Variants in KRTAP5-6 observed in about 807,000 individuals in gnomAD.
KRTAP5-6 encodes the protein keratin-associated protein 5-6.
For missense variants in KRTAP5-6, 175 were observed against 157.6 expected (o/e 1.11, Z -0.59); for synonymous variants, 57 against 61.7 (o/e 0.92, Z 0.36).
chr11:1,697,439 G>T lies in KRTAP5-6; in HGVS notation c.194G>T (p.Gly65Val), dbSNP rs1438486841. 4.3e-6 allele frequency: 7 copies of T among 1,612,714 alleles called. No individual in the cohort carries two copies. In the East Asian group the frequency reaches 8.9e-5, roughly 21 times the overall value. Residue 65 changes from glycine to valine, a missense_variant, in exon 1 of 1, where the codon GGC becomes GTC. Gly to Val is a moderately radical substitution (Grantham distance 109). Transcript: ENST00000382160. ...GSKGCCGSCG[G>V]SKGGCGSCGG... ...AAGGGGTGCTGTGGCTCTTGTGGGG[G>T]CTCCAAAGGGGGCTGTGGCTCTTGT...
In KRTAP5-6 at chr11:1,697,338, C is replaced by T. The variant is rs749133807; in HGVS notation, c.93C>T (p.Pro31=). The T allele has an allele frequency of 9.9e-6, 16 of 1,613,290 alleles. No homozygotes were observed. The Admixed American group carries it at 2.7e-4, about 27-fold the overall frequency. The change falls in exon 1 of 1, where the codon CCC becomes CCT. Residue 31 remains proline (P), a synonymous_variant. Transcript: ENST00000382160. ...GCTGTGGGTCCAGCTGCTGTGTGCCCATCTGCTGCTGCAAGCCCGTGTGCT... is the reference window on the plus strand; with the variant it reads ...GCTGTGGGTCCAGCTGCTGTGTGCCTATCTGCTGCTGCAAGCCCGTGTGCT... ...CGGCGSSCCV[P]ICCCKPVCCC...
chr11:1,697,737 G>A lies in KRTAP5-6; in HGVS notation c.*102G>A, dbSNP rs188524664. 1 of 1,529,616 alleles carries A rather than the reference G, an allele frequency of 6.5e-7. No homozygotes were observed. Among genetic ancestry groups the A allele is most frequent in the Non-Finnish European group, 8.9e-7 (1 of 1,120,174 alleles). 94.8% of individuals were successfully genotyped at this position (1,529,616 alleles called of 1,614,324 possible). A position where few individuals can be genotyped will look rare whatever the true frequency, so the allele number is the denominator to read the frequency against. On this transcript the variant is annotated 3_prime_UTR_variant, in exon 1 of 1. Coordinates refer to ENST00000382160, the MANE Select transcript of KRTAP5-6 (RefSeq NM_001012416.1). Reference sequence around the variant, plus strand: ...TGGCTGTCCCACAGCTCCAGGAGTTGTGTCCCCTGAATTTTGCAGAAGGTG... The same window carrying A: ...TGGCTGTCCCACAGCTCCAGGAGTTATGTCCCCTGAATTTTGCAGAAGGTG...
rs745319957 is a variant in KRTAP5-6 at position 1,697,523 on chromosome 11, C to G, written c.278C>G (p.Pro93Arg). The G allele has an allele frequency of 6.2e-6, 10 of 1,613,812 alleles. No homozygotes were observed. The African/African-American group carries it at 1.2e-4, about 19-fold the overall frequency. Residue 93 changes from proline to arginine, a missense_variant, in exon 1 of 1, where the codon CCC (proline) becomes CGC (arginine). Physicochemically the swap from Pro to Arg is moderately radical, Grantham distance 103 (BLOSUM62 -2). Transcript: ENST00000382160. ...CGCSQCSCCK[P>R]CYCSSGCGSS... ...TGCTCCCAGTGCAGTTGCTGCAAGC[C>G]CTGCTACTGTTCCTCAGGCTGTGGG...
chr11:1,697,626 C>T lies in KRTAP5-6; in HGVS notation c.381C>T (p.Cys127=). 6.2e-7 allele frequency: 1 copy of T among 1,614,150 alleles called. No individual in the cohort carries two copies. Among genetic ancestry groups the T allele is most frequent in the Non-Finnish European group, 8.5e-7 (1 of 1,180,006 alleles). ...GCTGTGTCCCCATTTGCTGCCAGTG[C>T]AAAATCTGAGGCTCTGACTTTGGAC... ...ASCCVPICCQ[C]KI Residue 127 remains cysteine (C), a synonymous_variant, in exon 1 of 1, where the codon TGC becomes TGT. Transcript: ENST00000382160.
In KRTAP5-6 at chr11:1,697,661, G is replaced by C. The variant is rs201960565; in HGVS notation, c.*26G>C. The C allele has an allele frequency of 8.7e-6, 14 of 1,613,926 alleles. No homozygotes were observed. The East Asian group carries it at 3.1e-4, about 36-fold the overall frequency. ...GGCTCTGACTTTGGACCTCAGGTGA[G>C]TCCAGCATATCCACACCACCCAAGA... is the stretch of plus-strand genomic sequence containing the variant. On this transcript the variant is annotated 3_prime_UTR_variant, in exon 1 of 1. Coordinates refer to ENST00000382160, the MANE Select transcript of KRTAP5-6 (RefSeq NM_001012416.1).
rs1850707105 is a variant in KRTAP5-6, at chr11:1,697,644, C to CTT, written c.*11_*12dup. ...GCCAGTGCAAAATCTGAGGCTCTGA[C>CTT]TTTGGACCTCAGGTGAGTCCAGCAT... is the stretch of plus-strand genomic sequence containing the variant. On this transcript the variant is annotated 3_prime_UTR_variant, in exon 1 of 1. Coordinates refer to ENST00000382160, the MANE Select transcript of KRTAP5-6 (RefSeq NM_001012416.1). 2.4e-5 allele frequency: 39 copies of CTT among 1,614,036 alleles called. No individual in the cohort carries two copies. The highest frequency in any genetic ancestry group is 3.1e-5 in the Non-Finnish European group (37 of 1,180,028).
At position 1,697,368 on chromosome 11, in the gene KRTAP5-6, T is replaced by C; in HGVS notation, c.123T>C (p.Cys41=). ...GCTGCTGCAAGCCCGTGTGCTGCTG[T>C]GTGCCAGCCTGTTCCTGCACCAGCT... The part of the protein sequence containing the change: ...PICCCKPVCC[C]VPACSCTSCG... The change falls in exon 1 of 1, where the codon TGT becomes TGC. Residue 41 remains cysteine (C), a synonymous_variant. Transcript: ENST00000382160. 6.2e-7 allele frequency: 1 copy of C among 1,612,796 alleles called. No homozygotes were observed. Among genetic ancestry groups the C allele is most frequent in the Non-Finnish European group, 8.5e-7 (1 of 1,179,894 alleles).
In KRTAP5-6 at chr11:1,697,476, G is replaced by A. The variant is rs1350479962; in HGVS notation, c.231G>A (p.Lys77=). 3 of 1,613,540 alleles carry A rather than the reference G, an allele frequency of 1.9e-6. No homozygotes were observed. The highest frequency in any genetic ancestry group is 2.5e-6 in the Non-Finnish European group (3 of 1,179,910). The change falls in exon 1 of 1, where the codon AAG becomes AAA. Residue 77 remains lysine (K), a synonymous_variant. Transcript: ENST00000382160. ...GCTGTGGCTCTTGTGGGGGCTCCAAGGGAGGCTGTGGCTCTTGTGGCTGCT... is the reference window on the plus strand; with the variant it reads ...GCTGTGGCTCTTGTGGGGGCTCCAAAGGAGGCTGTGGCTCTTGTGGCTGCT... ...KGGCGSCGGS[K]GGCGSCGCSQ... is the part of the protein sequence containing the mutation.
Position 1,697,210 on chromosome 11 carries a change from C to A in KRTAP5-6, c.-36C>A. On this transcript the variant is annotated 5_prime_UTR_variant, in exon 1 of 1. Coordinates refer to ENST00000382160, the MANE Select transcript of KRTAP5-6 (RefSeq NM_001012416.1). ...TACCTGCACACCTCCCTCTCACCTG[C>A]TCCTCTACCTGCTCCACCCTCAATC... The A allele has an allele frequency of 6.2e-7, 1 of 1,612,526 alleles. No homozygotes were observed. The highest frequency in any genetic ancestry group is 2.2e-5 in the East Asian group (1 of 44,888).
chr11:1,697,211 T>C lies in KRTAP5-6; in HGVS notation c.-35T>C, dbSNP rs904705647. 9 of 1,612,366 alleles carry C rather than the reference T, an allele frequency of 5.6e-6. No homozygotes were observed. Among genetic ancestry groups the C allele is most frequent in the Middle Eastern group, 4.0e-4 (2 of 4,942 alleles). ...ACCTGCACACCTCCCTCTCACCTGC[T>C]CCTCTACCTGCTCCACCCTCAATCC... On this transcript the variant is annotated 5_prime_UTR_variant, in exon 1 of 1. Coordinates refer to ENST00000382160, the MANE Select transcript of KRTAP5-6 (RefSeq NM_001012416.1).
rs1368049103 is a variant in KRTAP5-6 at position 1,697,489 on chromosome 11, T to C, written c.244T>C (p.Ser82Pro). The C allele has an allele frequency of 6.2e-7, 1 of 1,614,030 alleles. No individual in the cohort carries two copies. Among genetic ancestry groups the C allele is most frequent in the Admixed American group, 1.7e-5 (1 of 60,014 alleles). The change falls in exon 1 of 1, where the codon TCT (serine) becomes CCT (proline). Residue 82 changes from serine to proline, a missense_variant. Physicochemically the swap from Ser to Pro is moderately conservative, Grantham distance 74 (BLOSUM62 -1). Transcript: ENST00000382160. ...TGGGGGCTCCAAGGGAGGCTGTGGC[T>C]CTTGTGGCTGCTCCCAGTGCAGTTG... ...SCGGSKGGCGSCGCSQCSCCK... is the reference protein window; with the variant it reads ...SCGGSKGGCGPCGCSQCSCCK...
In KRTAP5-6 at chr11:1,697,566, C is replaced by T; in HGVS notation, c.321C>T (p.Ser107=). ...SSGCGSSCCQ[S]SCCKPCCSQA... ...GCTGTGGGTCATCCTGCTGCCAGTC[C>T]AGCTGCTGCAAGCCCTGCTGTTCCC... Residue 107 remains serine, a synonymous_variant, in exon 1 of 1, where the codon TCC becomes TCT. Coordinates refer to ENST00000382160, the MANE Select transcript of KRTAP5-6 (RefSeq NM_001012416.1). 9.3e-6 allele frequency: 15 copies of T among 1,614,060 alleles called. No individual in the cohort carries two copies. Among genetic ancestry groups the T allele is most frequent in the Non-Finnish European group, 1.3e-5 (15 of 1,179,972 alleles).
chr11:1,697,508 G>C lies in KRTAP5-6; in HGVS notation c.263G>C (p.Cys88Ser), dbSNP rs752510681. Residue 88 changes from cysteine to serine, a missense_variant, in exon 1 of 1, where the codon TGC becomes TCC. Transcript: ENST00000382160. ...TGTGGCTCTTGTGGCTGCTCCCAGTGCAGTTGCTGCAAGCCCTGCTACTGT... is the reference window on the plus strand; with the variant it reads ...TGTGGCTCTTGTGGCTGCTCCCAGTCCAGTTGCTGCAAGCCCTGCTACTGT... ...GGCGSCGCSQ[C>S]SCCKPCYCSS... is the part of the protein sequence containing the mutation. The C allele has an allele frequency of 1.9e-6, 3 of 1,614,028 alleles. No homozygotes were observed. Among genetic ancestry groups the C allele is most frequent in the Middle Eastern group, 1.7e-4 (1 of 6,042 alleles).
Position 1,697,372 on chromosome 11 carries a change from C to T in KRTAP5-6, c.127C>T (p.Pro43Ser), listed in dbSNP as rs866783351. Residue 43 changes from proline to serine, a missense_variant, in exon 1 of 1, where the codon CCA becomes TCA. Physicochemically the swap from Pro to Ser is moderately conservative, Grantham distance 74 (BLOSUM62 -1). Transcript: ENST00000382160. ...CTGCAAGCCCGTGTGCTGCTGTGTG[C>T]CAGCCTGTTCCTGCACCAGCTGTGG... The part of the protein sequence containing the change: ...CCCKPVCCCV[P>S]ACSCTSCGSC... 8 of 1,612,440 alleles carry T rather than the reference C, an allele frequency of 5.0e-6. No homozygotes were observed. The Middle Eastern group carries it at 1.3e-3, about 262-fold the overall frequency.
In KRTAP5-6 at chr11:1,697,605, T is replaced by G. The variant is rs1389357695; in HGVS notation, c.360T>G (p.Cys120Trp). 9 of 1,614,024 alleles carry G rather than the reference T, an allele frequency of 5.6e-6. No individual in the cohort carries two copies. The highest frequency in any genetic ancestry group is 7.6e-6 in the Non-Finnish European group (9 of 1,180,000). Residue 120 changes from cysteine to tryptophan, a missense_variant, in exon 1 of 1, where the codon TGT (cysteine) becomes TGG (tryptophan). Coordinates refer to ENST00000382160, the MANE Select transcript of KRTAP5-6 (RefSeq NM_001012416.1). ...CCTGCTGTTCCCAGGCCAGCTGCTG[T>G]GTCCCCATTTGCTGCCAGTGCAAAA... Reference protein sequence around the residue: ...CKPCCSQASCCVPICCQCKI With the variant: ...CKPCCSQASCWVPICCQCKI
rs1850708050 is a variant in KRTAP5-6 at position 1,697,716 on chromosome 11, T to TGTCCC, written c.*82_*86dup. 3 of 1,578,190 alleles carry TGTCCC rather than the reference T, an allele frequency of 1.9e-6. No individual in the cohort carries two copies. In the South Asian group the frequency reaches 3.5e-5, roughly 18 times the overall value. On this transcript the variant is annotated 3_prime_UTR_variant, in exon 1 of 1. Transcript: ENST00000382160. Reference sequence around the variant, plus strand: ...ACCAGTGCTGCATTTCAGTTCTGGCTGTCCCACAGCTCCAGGAGTTGTGTC... The same window carrying TGTCCC: ...ACCAGTGCTGCATTTCAGTTCTGGCTGTCCCGTCCCACAGCTCCAGGAGTTGTGTC...
In KRTAP5-6 at chr11:1,697,673, C is replaced by T. The variant is rs572009313; in HGVS notation, c.*38C>T. 6.2e-7 allele frequency: 1 copy of T among 1,612,970 alleles called. No individual in the cohort carries two copies. Among genetic ancestry groups the T allele is most frequent in the Non-Finnish European group, 8.5e-7 (1 of 1,179,352 alleles). ...GGACCTCAGGTGAGTCCAGCATATC[C>T]ACACCACCCAAGAAGTGACCAGTGC... On this transcript the variant is annotated 3_prime_UTR_variant, in exon 1 of 1. Coordinates refer to ENST00000382160, the MANE Select transcript of KRTAP5-6 (RefSeq NM_001012416.1).
Position 1,697,222 on chromosome 11 carries a change from C to A in KRTAP5-6, c.-24C>A, listed in dbSNP as rs1228188314. 6.2e-7 allele frequency: 1 copy of A among 1,612,820 alleles called. No individual in the cohort carries two copies. The highest frequency in any genetic ancestry group is 1.3e-5 in the African/African-American group (1 of 74,982). On this transcript the variant is annotated 5_prime_UTR_variant, in exon 1 of 1. Transcript: ENST00000382160. ...TCCCTCTCACCTGCTCCTCTACCTG[C>A]TCCACCCTCAATCCACCAGAACCAT...
Position 1,697,289 on chromosome 11 carries a change from G to A in KRTAP5-6, c.44G>A (p.Gly15Glu). The A allele has an allele frequency of 6.8e-6, 11 of 1,612,928 alleles. No individual in the cohort carries two copies. The highest frequency in any genetic ancestry group is 1.1e-5 in the South Asian group (1 of 90,988). The change falls in exon 1 of 1, where the codon GGG (glycine) becomes GAG (glutamate). Residue 15 changes from glycine (G) to glutamate (E), a missense_variant. Gly to Glu is a moderately conservative substitution (Grantham distance 98). Transcript: ENST00000382160. The part of the protein sequence containing the change: ...GCSGGCGSGC[G>E]GCGSGCGGCG... ...TCTGGAGGCTGTGGCTCCGGCTGTG[G>A]GGGCTGTGGCTCTGGCTGTGGGGGC...
Sources: allele counts gnomAD v4.1 joint callset, GRCh38; gene constraint gnomAD v4.1.1; transcripts MANE v1.5; gene names NCBI Gene and HGNC (gene_info 2026-07-23, HGNC 2026-07-21).